Variants in TCF12 observed in about 807,000 individuals in gnomAD.
TCF12 encodes the protein DNA-binding protein HTF4.
In TCF12, 45 loss-of-function variants were observed where a neutral mutation model predicts 86.0. The ratio of observed to expected loss-of-function variants is 0.52; its 90% CI spans 0.41 to 0.67. The LOEUF (loss-of-function observed/expected upper bound fraction) is 0.67, where lower values mean the gene tolerates loss of function less well. Ranked by LOEUF, TCF12 falls within the 30% of genes least tolerant of loss-of-function variation. The pLI, the probability that TCF12 is intolerant of heterozygous loss-of-function variation, is 0.00. For synonymous variants in TCF12, 330 were observed against 299.6 expected, an observed-to-expected ratio of 1.10 and a Z score of -1.05; for missense variants, 881 against 859.9, an observed-to-expected ratio of 1.02 and a Z score of -0.31.
chr15:57,010,513 A>G (rs975302450), intron 3 of TCF12, among the ~76,000 whole-genome samples: 1 of 152,218 alleles, frequency 6.6e-6, no homozygotes, highest in African/African-American at 2.4e-5. Context: ...GGAAAGACAC[A>G]TTAGAAGCAG....
At chr15:57,173,316 A>G (rs906703094) in intron 6 of TCF12, among the ~76,000 whole-genome samples, 1 of 152,218 alleles carries the variant, frequency 6.6e-6, no homozygotes, top group East Asian at 1.9e-4. Context: ...TGTACAGTGA[A>G]TGACCAAGAT....
intron 3 of TCF12, among the ~76,000 whole-genome samples, chr15:56,921,954 A>G (rs2059812086): frequency 6.6e-6 from 1 of 152,026 alleles, no homozygotes; most frequent in South Asian, 2.1e-4. Flanking sequence ...TGGGGAAAGT[A>G]TAGCATGTCC....
chr15:57,213,678 G>GA (rs199849599), intron 8 of TCF12, among the ~76,000 whole-genome samples: 22 of 150,968 alleles, frequency 1.5e-4, no homozygotes, highest in East Asian at 9.7e-4. Context: ...CAGTTCAGAA[G>GA]AAAAAAAAAT....
intron 3 of TCF12, among the ~76,000 whole-genome samples, chr15:56,965,942 T>C (rs2061982076): frequency 6.6e-6 from 1 of 152,214 alleles, no homozygotes; most frequent in South Asian, 2.1e-4. Context: ...TTGAAATCTT[T>C]AGAAAATGTA....
At chr15:57,007,457 G>T (rs1024731433) in intron 3 of TCF12, among the ~76,000 whole-genome samples, 18 of 152,292 alleles carry the variant, frequency 1.2e-4, no homozygotes, top group African/African-American at 3.4e-4. Flanking sequence ...TTGTTTAAGA[G>T]AATTTTTTGG....
intron 4 of TCF12, among the ~76,000 whole-genome samples, chr15:57,071,832 A>G (rs2069414612): frequency 6.6e-6 from 1 of 152,206 alleles, no homozygotes; most frequent in Non-Finnish European, 1.5e-5. Context: ...GTTACAGGAC[A>G]GATAGCATTT....
intron 5 of TCF12, among the ~76,000 whole-genome samples, chr15:57,142,791 CAG>C (rs1444675266): frequency 2.6e-5 from 4 of 152,104 alleles, no homozygotes; most frequent in African/African-American, 7.2e-5. Context: ...TGCCACCTAA[CAG>C]AGTGCATTGA....
chr15:57,191,462 T>C (rs1371613591), intron 6 of TCF12, among the ~76,000 whole-genome samples: 6 of 151,746 alleles, frequency 4.0e-5, no homozygotes, highest in African/African-American at 9.7e-5. Flanking sequence ...AATCCATCTC[T>C]AAAAAGAAAA....
At chr15:56,929,617 C>T (rs571044006) in intron 3 of TCF12, among the ~76,000 whole-genome samples, 19 of 151,934 alleles carry the variant, frequency 1.3e-4, no homozygotes, top group Admixed American at 5.9e-4. Flanking sequence ...ATTTAAAGAT[C>T]CCACAGAAAA....
intron 5 of TCF12, among the ~76,000 whole-genome samples, chr15:57,127,428 T>C (rs564082296): frequency 6.6e-6 from 1 of 152,328 alleles, no homozygotes; most frequent in South Asian, 2.1e-4. Context: ...TCATTCATAG[T>C]TCACACAAGT....
rs562579321 is a variant in TCF12, at chr15:57,065,784, C to A, written c.222+1961C>A. On this transcript the variant is annotated intron_variant, in intron 4 of 20. Coordinates refer to ENST00000333725, the MANE Select transcript of TCF12 (RefSeq NM_207037.2). ...GCTTTTCTTTTTGCTATTTATAGGT[C>A]AAATGTGAAATGCTGTATTTTACTT... is the stretch of plus-strand genomic sequence containing the variant. Among the ~76,000 whole-genome samples, 3 of 152,076 alleles carry A rather than the reference C, an allele frequency of 2.0e-5. No homozygotes were observed. The East Asian group carries it at 5.8e-4, about 29-fold the overall frequency.
intron 5 of TCF12, among the ~76,000 whole-genome samples, chr15:57,110,430 TGTG>T (rs2050408501): frequency 6.6e-6 from 1 of 152,220 alleles, no homozygotes; most frequent in Non-Finnish European, 1.5e-5. Context: ...TCTGACCTAA[TGTG>T]TATCACATTT....
In TCF12 at chr15:56,984,014, A is replaced by AAAAAAAAAAAG. The variant is rs777234282; in HGVS notation, c.148+62918_148+62919insAAAAAAAAGAA. 7.8e-4 allele frequency among the ~76,000 whole-genome samples: 81 copies of AAAAAAAAAAAG among 104,406 alleles called. 4 individuals carry two copies. Among genetic ancestry groups the AAAAAAAAAAAG allele is most frequent in the Middle Eastern group, 0.011 (2 of 182 alleles). The allele number at this position is 104,406 out of a possible 152,430, so 68.5% of individuals were successfully genotyped here. A position where few individuals can be genotyped will look rare whatever the true frequency, so the allele number is the denominator to read the frequency against. On this transcript the variant is annotated intron_variant, in intron 3 of 20. Transcript: ENST00000333725. ...GAGACCCTGTCTCAAAAAAAAAAAAAAAGAAGAAGAAGAATTTTGGATCAA... is the reference window on the plus strand; with the variant it reads ...GAGACCCTGTCTCAAAAAAAAAAAAAAAAAAAAAAAGAAGAAGAAGAAGAATTTTGGATCAA...
Position 57,241,201 on chromosome 15 carries a change from C to A in TCF12, c.1036-2271C>A, listed in dbSNP as rs561879917. Among the ~76,000 whole-genome samples the A allele has an allele frequency of 2.4e-3, 370 of 151,974 alleles. 2 individuals carry two copies. Among genetic ancestry groups the A allele is most frequent in the Middle Eastern group, 6.8e-3 (2 of 294 alleles). ...CTCCACCTCCCAGATTCAAGCGATT[C>A]TCCTGCCTCAGACCCCGCGAGTAGC... On this transcript the variant is annotated intron_variant, in intron 12 of 20. Transcript: ENST00000333725.
chr15:56,921,596 T>C (rs2059796148), intron 3 of TCF12, among the ~76,000 whole-genome samples: 3 of 152,002 alleles, frequency 2.0e-5, no homozygotes. Flanking sequence ...AGAAGGAAGG[T>C]CCATTCCAGT....
intron 3 of TCF12, among the ~76,000 whole-genome samples, chr15:56,981,755 A>G (rs1405358205): frequency 6.6e-6 from 1 of 152,304 alleles, no homozygotes; most frequent in East Asian, 1.9e-4. Flanking sequence ...TTTTCATGTT[A>G]TATGTTTTAT....
At chr15:57,123,512 C>CT (rs35756318) in intron 5 of TCF12, among the ~76,000 whole-genome samples, 20 of 148,204 alleles carry the variant, frequency 1.3e-4, no homozygotes, top group East Asian at 4.0e-4. Context: ...TACCACTTCT[C>CT]TTTTTTTTTT....
chr15:57,140,605 A>C (rs1284018091), intron 5 of TCF12, among the ~76,000 whole-genome samples: 1 of 152,238 alleles, frequency 6.6e-6, no homozygotes, highest in African/African-American at 2.4e-5. Flanking sequence ...TGCTGATTAC[A>C]AAGTGCCGTG....
chr15:57,056,678 C>G (rs894556865), intron 3 of TCF12, among the ~76,000 whole-genome samples: 2 of 151,962 alleles, frequency 1.3e-5, no homozygotes, highest in Non-Finnish European at 2.9e-5. Flanking sequence ...AGGCTGGTCT[C>G]AAACTCCTGG....
Sources: allele counts gnomAD v4.1 joint callset (sites outside exome capture counted in the v4.1 genomes callset), GRCh38; gene constraint gnomAD v4.1.1; transcripts MANE v1.5; gene names NCBI Gene and HGNC (gene_info 2026-07-23, HGNC 2026-07-21).